The following MUC22 variants were observed in gnomAD, a reference collection of about 807,000 sequenced individuals.
The protein encoded by MUC22 is mucin-22.
In MUC22, 24 loss-of-function variants were observed where a neutral mutation model predicts 40.3. That is an observed-to-expected ratio of 0.60 (90% CI 0.43 to 0.84). The LOEUF (loss-of-function observed/expected upper bound fraction) is 0.84, where lower values mean the gene tolerates loss of function less well. Ranked by LOEUF, MUC22 falls within the 40% of genes least tolerant of loss-of-function variation. The pLI, the probability that MUC22 is intolerant of heterozygous loss-of-function variation, is 0.00. For synonymous variants in MUC22, 765 were observed against 844.5 expected, an observed-to-expected ratio of 0.91 and a Z score of 1.63; for missense variants, 1,926 against 2,130.7, an observed-to-expected ratio of 0.90 and a Z score of 1.89.
exon 4 of MUC22, chr6:31,035,050 G>A: frequency 9.0e-7 from 1 of 1,108,906 alleles, no homozygotes; most frequent in Non-Finnish European, 1.2e-6. Context: ...AGGGGGTCAT[G>A]GAGGAGAAAA....
chr6:31,030,226 T>C, intron 2 of MUC22, 126 bp downstream of exon 2: 1 of 1,187,048 alleles, frequency 8.4e-7, no homozygotes. Flanking sequence ...AGATATAATT[T>C]CCTCTTCTAG....
intron 2 of MUC22, among the ~76,000 whole-genome samples, chr6:31,030,335 G>A (rs1203643970): frequency 2.0e-5 from 3 of 152,066 alleles, no homozygotes; most frequent in Non-Finnish European, 4.4e-5. Flanking sequence ...GGCTAACACG[G>A]TGAAATCCAG....
rs1766129338 is a variant in MUC22 at position 31,032,389 on chromosome 6, C to T, written c.4863C>T (p.Thr1621=). The change falls in exon 3 of 4, where the codon ACC becomes ACT. Residue 1621 remains threonine, a synonymous_variant. Transcript: ENST00000561890. The surrounding 1 kb of genome is among the most constrained non-coding windows in gnomAD (Gnocchi z 4.1). ...GCGTCAGGACCACCACAGGATCCAC[C>T]CGTGAGCCAACCAGCAGCACCTTCC... is the stretch of plus-strand genomic sequence containing the variant. 1.2e-5 allele frequency: 18 copies of T among 1,535,686 alleles called. No individual in the cohort carries two copies. The highest frequency in any genetic ancestry group is 1.6e-5 in the Non-Finnish European group (18 of 1,146,918).
Position 31,021,951 on chromosome 6 carries a change from C to G in MUC22, c.71-3551C>G, listed in dbSNP as rs9262527. 1.8e-3 allele frequency among the ~76,000 whole-genome samples: 273 copies of G among 152,038 alleles called. 1 individual carries two copies. Among genetic ancestry groups the G allele is most frequent in the Non-Finnish European group, 1.7e-3 (117 of 67,986 alleles). The stretch of plus-strand genomic sequence containing the variant: ...TGTTTTTATGATCTGTAACACTCAC[C>G]GTAAAGGTCTGCAGCTTCACTCCTG... On this transcript the variant is annotated intron_variant, in intron 1 of 3. Transcript: ENST00000561890.
chr6:31,021,109 G>C (rs6929324), intron 1 of MUC22, among the ~76,000 whole-genome samples: 2 of 152,268 alleles, frequency 1.3e-5, no homozygotes, highest in African/African-American at 4.8e-5. Context: ...GACTGTGAGC[G>C]CATGGCGTAG....
In MUC22 at chr6:31,020,693, G is replaced by A. The variant is rs1174701006; in HGVS notation, c.71-4809G>A. ...TCTGGGCTGGCCGAGGCCAGAGCCG[G>A]CTCCCTCAGCTTGCAGGGAGGTGTG... is the stretch of plus-strand genomic sequence containing the variant. On this transcript the variant is annotated intron_variant, in intron 1 of 3. Coordinates refer to ENST00000561890, the Ensembl canonical transcript of MUC22. Among the ~76,000 whole-genome samples the A allele has an allele frequency of 5.3e-5, 8 of 152,276 alleles. No individual in the cohort carries two copies. In the South Asian group the frequency reaches 1.0e-3, roughly 20 times the overall value.
intron 2 of MUC22, among the ~76,000 whole-genome samples, chr6:31,031,521 C>T (rs1014611720): frequency 6.6e-6 from 1 of 152,142 alleles, no homozygotes. Context: ...TATTTATTTT[C>T]AATTTTTTCC....
At chr6:31,029,837 G>T in exon 2 of MUC22, 3 of 1,406,516 alleles carry the variant, frequency 2.1e-6, no homozygotes. Context: ...AACACAGCCT[G>T]TACCACAGGT....
chr6:31,010,846 TCCCCTGCC>T (rs1369615608), intron 1 of MUC22, 70 bp downstream of exon 1: 1 of 687,460 alleles, frequency 1.5e-6, no homozygotes, highest in Admixed American at 2.1e-5. Flanking sequence ...AGATGGGGAA[TCCCCTGCC>T]CAGGCATGAC....
chr6:31,026,144 C>T (rs1354955011), exon 2 of MUC22: 1 of 1,524,956 alleles, frequency 6.6e-7, no homozygotes, highest in Non-Finnish European at 8.8e-7. Flanking sequence ...TCTGAGGCCA[C>T]CACAACCTCA....
exon 2 of MUC22, chr6:31,026,724 T>C (rs906487354): frequency 5.3e-6 from 8 of 1,503,902 alleles, no homozygotes; most frequent in African/African-American, 1.4e-5. Context: ...CAGTCTTCAC[T>C]GCAGGCTCGG....
intron 1 of MUC22, among the ~76,000 whole-genome samples, chr6:31,016,558 T>C (rs1023201067): frequency 2.6e-5 from 4 of 152,238 alleles, no homozygotes. Flanking sequence ...GAATAGGTAA[T>C]GTGGGTTTTA....
intron 1 of MUC22, among the ~76,000 whole-genome samples, chr6:31,017,655 G>C (rs962669886): frequency 2.0e-5 from 3 of 152,212 alleles, no homozygotes; most frequent in African/African-American, 7.2e-5. Flanking sequence ...AGTGCTCTGT[G>C]GGGACTTGGA....
At chr6:31,015,299 G>C (rs1179139802) in intron 1 of MUC22, among the ~76,000 whole-genome samples, 1 of 152,142 alleles carries the variant, frequency 6.6e-6, no homozygotes, top group Non-Finnish European at 1.5e-5. Context: ...AGCTAGAAAA[G>C]TTTGTTAAGA....
At position 31,032,019 on chromosome 6, in the gene MUC22, T is replaced by C. The variant is rs568832963; in HGVS notation, c.4670-177T>C. 9.2e-5 allele frequency among the ~76,000 whole-genome samples: 14 copies of C among 152,250 alleles called. No individual in the cohort carries two copies. Among genetic ancestry groups the C allele is most frequent in the Admixed American group, 2.6e-4 (4 of 15,302 alleles). On this transcript the variant is annotated intron_variant, in intron 2 of 3. Transcript: ENST00000561890. The surrounding 1 kb of genome is among the most constrained non-coding windows in gnomAD (Gnocchi z 4.1). ...TTCTCTGTATGACACCCACCTGCAT[T>C]CTGGGGACATGGCCACAGCAGAATC...
chr6:31,020,534 T>C (rs9391703), intron 1 of MUC22, among the ~76,000 whole-genome samples: 16,699 of 147,912 alleles, frequency 0.11, 1,200 homozygotes, highest in East Asian at 0.33. Context: ...AACCTCTGCC[T>C]CCCGGTGAGA....
intron 1 of MUC22, among the ~76,000 whole-genome samples, chr6:31,025,139 C>T (rs1006842068): frequency 6.4e-5 from 9 of 140,758 alleles, no homozygotes; most frequent in South Asian, 2.2e-4. Context: ...TGAGCCACTG[C>T]GCCCAGCCCA....
chr6:31,016,899 C>T (rs562114336), intron 1 of MUC22, among the ~76,000 whole-genome samples: 4 of 152,318 alleles, frequency 2.6e-5, no homozygotes, highest in East Asian at 3.9e-4. Context: ...CTCGGGCTGG[C>T]GTGGCCAGCA....
At chr6:31,012,320 C>T (rs757677244) in intron 1 of MUC22, among the ~76,000 whole-genome samples, 7 of 152,162 alleles carry the variant, frequency 4.6e-5, no homozygotes, top group Admixed American at 2.6e-4. Context: ...GCACTTCCCT[C>T]GGCGTTCTTT....
Sources: gnomAD v4.1 joint callset for allele counts (sites outside exome capture counted in the v4.1 genomes callset) on GRCh38, gnomAD v4.1.1 for gene constraint, Gnocchi (gnomAD v3.1) non-coding constraint, MANE v1.5 for transcripts, NCBI Gene and HGNC (gene_info 2026-07-23, HGNC 2026-07-21) for gene names.